Variants in NIBAN3 observed in about 807,000 individuals in gnomAD.
The protein encoded by NIBAN3 is niban apoptosis regulator 3, also known as protein Niban 3.
NIBAN3 carries 66 observed loss-of-function variants against 76.4 expected under a neutral mutation model. The ratio of observed to expected loss-of-function variants is 0.86; its 90% CI spans 0.71 to 1.06. The LOEUF (loss-of-function observed/expected upper bound fraction) is 1.06, where lower values mean the gene tolerates loss of function less well. Ranked by LOEUF, NIBAN3 falls within the 50% of genes least tolerant of loss-of-function variation. The pLI is 0.00. For synonymous variants in NIBAN3, 360 were observed against 355.2 expected (o/e 1.01, Z -0.15); for missense variants, 808 against 810.7 (o/e 1.00, Z 0.04).
At chr19:17,532,499 C>A in intron 3 of NIBAN3, 111 bp downstream of exon 3, 1 of 1,517,312 alleles carries the variant, frequency 6.6e-7, no homozygotes, top group Non-Finnish European at 9.1e-7. Flanking sequence ...CTATCAATCA[C>A]CCAGGATGAA....
At chr19:17,541,990 T>C in intron 9 of NIBAN3, 146 bp from the exon 10 acceptor site, 2 of 1,003,086 alleles carry the variant, frequency 2.0e-6, no homozygotes, top group Admixed American at 4.3e-5. Flanking sequence ...GGCCCACCAC[T>C]ATTGTATTAT....
intron 4 of NIBAN3, 44 bp downstream of exon 4, chr19:17,533,745 C>A: frequency 1.5e-6 from 2 of 1,372,756 alleles, no homozygotes; most frequent in Non-Finnish European, 1.0e-6. Context: ...TCCACCCCAG[C>A]ATCATTAACA....
Position 17,553,276 on chromosome 19 carries a change from C to G in NIBAN3, c.*1378C>G, listed in dbSNP as rs778099257. On this transcript the variant is annotated 3_prime_UTR_variant, in exon 15 of 15. Transcript: ENST00000599164. ...AGGTTACAGATTTTGGGGTTTTTTT[C>G]TCCGCTTGCTGTGAGCCTTTTGGGT... 6.3e-7 allele frequency: 1 copy of G among 1,596,694 alleles called. No homozygotes were observed. Among genetic ancestry groups the G allele is most frequent in the Non-Finnish European group, 8.5e-7 (1 of 1,171,070 alleles).
At chr19:17,548,256 G>A (rs557668827) in intron 13 of NIBAN3, among the ~76,000 whole-genome samples, 2 of 152,312 alleles carry the variant, frequency 1.3e-5, no homozygotes, top group South Asian at 4.1e-4. Flanking sequence ...ACAAGGGCAC[G>A]GAGCGGGAGG....
At position 17,553,177 on chromosome 19, in the gene NIBAN3, C is replaced by A; in HGVS notation, c.*1279C>A. The A allele has an allele frequency of 7.6e-7, 1 of 1,313,480 alleles. No individual in the cohort carries two copies. Among genetic ancestry groups the A allele is most frequent in the Non-Finnish European group, 1.0e-6 (1 of 977,518 alleles). The allele number at this position is 1,313,480 out of a possible 1,614,324, so 81.4% of individuals were successfully genotyped here. A position where few individuals can be genotyped will look rare whatever the true frequency, so the allele number is the denominator to read the frequency against. ...CTGTTCATAGCTTTTTTCTACTTTT[C>A]AGGAGTGTTTGCATTTTTCTTATTG... On this transcript the variant is annotated 3_prime_UTR_variant, in exon 15 of 15. Transcript: ENST00000599164.
At position 17,553,116 on chromosome 19, in the gene NIBAN3, T is replaced by G; in HGVS notation, c.*1218T>G. 2.2e-5 allele frequency: 17 copies of G among 759,144 alleles called. No individual in the cohort carries two copies. Among genetic ancestry groups the G allele is most frequent in the East Asian group, 6.4e-5 (2 of 31,434 alleles). The allele number at this position is 759,144 out of a possible 1,614,324, so 47.0% of individuals were successfully genotyped here. On this transcript the variant is annotated 3_prime_UTR_variant, in exon 15 of 15. Transcript: ENST00000599164. Reference sequence around the variant, plus strand: ...AATATGTTGATTAGCCATTTACATGTTTGTAGTTTTTTTTTTTTTAATTTC... The same window carrying G: ...AATATGTTGATTAGCCATTTACATGGTTGTAGTTTTTTTTTTTTTAATTTC...
chr19:17,531,551 T>A (rs2075725006), intron 2 of NIBAN3, among the ~76,000 whole-genome samples: 1 of 152,082 alleles, frequency 6.6e-6, no homozygotes, highest in African/African-American at 2.4e-5. Flanking sequence ...ACATTTTCTT[T>A]TAGATGGAGT....
chr19:17,549,826 C>CT (rs1229491236), intron 14 of NIBAN3: 1,198 of 99,810 alleles, frequency 0.012, no homozygotes, highest in East Asian at 0.056. Context: ...CTCTCTCTCT[C>CT]TTTTTTTTTT....
At chr19:17,533,777 G>A in intron 4 of NIBAN3, 76 bp downstream of exon 4, 1 of 1,092,900 alleles carries the variant, frequency 9.1e-7, no homozygotes. Context: ...ATCATTCTCT[G>A]CGGTGGGGGC....
At position 17,542,570 on chromosome 19, in the gene NIBAN3, G is replaced by A. The variant is rs1165796313; in HGVS notation, c.1329+276G>A. ...CTTCCAACATGGGAGAGCAATGGGA[G>A]GAATGGCGTTGCCACCAGTCCCGAG... On this transcript the variant is annotated intron_variant, in intron 10 of 14. Transcript: ENST00000599164. This position sits in a 1 kb window ranked among gnomAD's most constrained non-coding sequence, Gnocchi z 4.8. 1.3e-5 allele frequency among the ~76,000 whole-genome samples: 2 copies of A among 152,220 alleles called. No individual in the cohort carries two copies. The highest frequency in any genetic ancestry group is 2.9e-5 in the Non-Finnish European group (2 of 68,038).
intron 8 of NIBAN3, chr19:17,540,053 C>G: frequency 2.3e-6 from 1 of 429,404 alleles, no homozygotes; most frequent in Non-Finnish European, 4.1e-6. Flanking sequence ...GGCGGGGCCT[C>G]AGCGGGGGAT....
At chr19:17,527,531 T>C in intron 1 of NIBAN3, 136 bp downstream of exon 1, 3 of 934,776 alleles carry the variant, frequency 3.2e-6, no homozygotes, top group Non-Finnish European at 4.6e-6. Context: ...GCCTTCTTAA[T>C]GTAAATTTCA....
At chr19:17,530,531 C>CAA (rs558680407) in intron 1 of NIBAN3, among the ~76,000 whole-genome samples, 15 of 46,370 alleles carry the variant, frequency 3.2e-4, no homozygotes, top group Non-Finnish European at 5.0e-4. Context: ...GACTCCATCT[C>CAA]AAAAAAAAAA....
chr19:17,525,096 A>G (rs2075591679), upstream of NIBAN3, among the ~76,000 whole-genome samples: 1 of 151,986 alleles, frequency 6.6e-6, no homozygotes, highest in South Asian at 2.1e-4. Context: ...CTCCCTGGGG[A>G]TCTTGCCATC....
chr19:17,550,591 G>A (rs1448380705), intron 14 of NIBAN3, among the ~76,000 whole-genome samples: 5 of 152,112 alleles, frequency 3.3e-5, no homozygotes, highest in South Asian at 4.1e-4. Flanking sequence ...TACTTGAGCC[G>A]TGGAGATGGG....
chr19:17,523,327 C>G, upstream of NIBAN3: 2 of 999,636 alleles, frequency 2.0e-6, no homozygotes, highest in Non-Finnish European at 2.9e-6. Flanking sequence ...GAATTGAAAC[C>G]TGCGCAGAGG....
chr19:17,525,333 C>CATT (rs2075593969), upstream of NIBAN3, among the ~76,000 whole-genome samples: 1 of 135,634 alleles, frequency 7.4e-6, no homozygotes, highest in African/African-American at 2.9e-5. Flanking sequence ...CTCCGTCCCT[C>CATT]CCTTCATTCA....
chr19:17,540,217 A>G (rs1186843753), intron 8 of NIBAN3, 175 bp from the exon 9 acceptor site: 5 of 456,350 alleles, frequency 1.1e-5, no homozygotes, highest in Admixed American at 4.2e-5. Flanking sequence ...ACAAAGACCC[A>G]GGTGGGAATC....
In NIBAN3 at chr19:17,540,448, C is replaced by A. The variant is rs769690443; in HGVS notation, c.1036C>A (p.Pro346Thr). The change falls in exon 9 of 15, where the codon CCC (proline) becomes ACC (threonine). Residue 346 changes from proline to threonine, a missense_variant. Coordinates refer to ENST00000599164, the MANE Select transcript of NIBAN3 (RefSeq NM_001321827.2). ...GCGCCGGGAGGTGGACCCGCAGCTGCCCCGGGTCGTGCAGACCCTGCTGCG... is the reference window on the plus strand; with the variant it reads ...GCGCCGGGAGGTGGACCCGCAGCTGACCCGGGTCGTGCAGACCCTGCTGCG... Reference protein sequence around the residue: ...CLRREVDPQLPRVVQTLLRTV... With the variant: ...CLRREVDPQLTRVVQTLLRTV... 2.5e-6 allele frequency: 4 copies of A among 1,568,986 alleles called. No homozygotes were observed. The highest frequency in any genetic ancestry group is 3.5e-6 in the Non-Finnish European group (4 of 1,157,120).
Sources: allele counts gnomAD v4.1 joint callset (sites outside exome capture counted in the v4.1 genomes callset), GRCh38; gene constraint gnomAD v4.1.1; non-coding constraint Gnocchi (gnomAD v3.1); transcripts MANE v1.5; gene names NCBI Gene and HGNC (gene_info 2026-07-23, HGNC 2026-07-21).